Variants in STAG1 observed in about 807,000 individuals in gnomAD.
STAG1 encodes the protein STAG1 cohesin complex component.
Under a neutral mutation model 170.9 loss-of-function variants are expected in STAG1, and 26 were observed. That is an observed-to-expected ratio of 0.15 (90% CI 0.11 to 0.21). STAG1 has a LOEUF of 0.21. Ranked by LOEUF, STAG1 falls within the 10% of genes least tolerant of loss-of-function variation. The probability of loss-of-function intolerance (pLI) is 1.00; values close to 1 mark genes in which losing one functional copy is unlikely to be tolerated. For missense variants in STAG1, 964 were observed against 1,509.5 expected (o/e 0.64, Z 5.99); for synonymous variants, 514 against 497.7 (o/e 1.03, Z -0.44).
At chr3:136,493,773 A>C (rs1000361556) in intron 9 of STAG1, among the ~76,000 whole-genome samples, 1 of 152,130 alleles carries the variant, frequency 6.6e-6, no homozygotes, top group Non-Finnish European at 1.5e-5. Flanking sequence ...AGATCAACAA[A>C]ACAAACTTAC....
At chr3:136,691,289 G>A (rs1942713742) in intron 1 of STAG1, among the ~76,000 whole-genome samples, 1 of 152,048 alleles carries the variant, frequency 6.6e-6, no homozygotes, top group Admixed American at 6.6e-5. Flanking sequence ...CAAAAAATTA[G>A]CTGGGCTTGG....
chr3:136,640,083 T>C (rs1940733482), intron 1 of STAG1, among the ~76,000 whole-genome samples: 2 of 152,324 alleles, frequency 1.3e-5, no homozygotes, highest in South Asian at 2.1e-4. Flanking sequence ...AGTTTGATGA[T>C]GCAGTGAAAA....
At chr3:136,448,892 T>A (rs912298771) in intron 14 of STAG1, among the ~76,000 whole-genome samples, 1 of 151,930 alleles carries the variant, frequency 6.6e-6, no homozygotes, top group African/African-American at 2.4e-5. Flanking sequence ...TGAGTGGAGA[T>A]TGCACCACTG....
intron 1 of STAG1, among the ~76,000 whole-genome samples, chr3:136,664,775 A>G (rs925937815): frequency 1.6e-4 from 25 of 152,236 alleles, no homozygotes; most frequent in African/African-American, 6.0e-4. Flanking sequence ...AGACCTGTGG[A>G]TGAAATAAAC....
At chr3:136,471,168 A>T (rs1217322893) in intron 12 of STAG1, among the ~76,000 whole-genome samples, 5 of 151,524 alleles carry the variant, frequency 3.3e-5, no homozygotes, top group Non-Finnish European at 7.4e-5. Context: ...AGCAGTTTTA[A>T]TGTGCTATGA....
chr3:136,530,358 A>C (rs1426987239), intron 6 of STAG1, among the ~76,000 whole-genome samples: 1 of 152,130 alleles, frequency 6.6e-6, no homozygotes, highest in Non-Finnish European at 1.5e-5. Context: ...CTAGATCTTA[A>C]ACCAAATAGA....
intron 15 of STAG1, among the ~76,000 whole-genome samples, chr3:136,440,579 T>C (rs2088599866): frequency 1.3e-5 from 2 of 151,996 alleles, no homozygotes; most frequent in South Asian, 2.1e-4. Flanking sequence ...GTAAGGAAAA[T>C]GAATGGAACC....
intron 1 of STAG1, among the ~76,000 whole-genome samples, chr3:136,707,047 T>G (rs1943247211): frequency 6.6e-6 from 1 of 152,166 alleles, no homozygotes; most frequent in Admixed American, 6.5e-5. Context: ...TACTAAAAAT[T>G]AAATCAAAAT....
chr3:136,526,430 T>C (rs1049805931), intron 6 of STAG1, among the ~76,000 whole-genome samples: 2 of 152,200 alleles, frequency 1.3e-5, no homozygotes, highest in African/African-American at 2.4e-5. Flanking sequence ...CTGCCTTTTT[T>C]TGTTTTCCAT....
chr3:136,451,405 A>G (rs906838221), intron 14 of STAG1, among the ~76,000 whole-genome samples: 5 of 152,154 alleles, frequency 3.3e-5, no homozygotes, highest in Admixed American at 2.0e-4. Flanking sequence ...CAGTCTGACA[A>G]TTTTCAAAAA....
intron 2 of STAG1, among the ~76,000 whole-genome samples, chr3:136,626,944 G>C (rs1326321467): frequency 6.6e-6 from 1 of 152,164 alleles, no homozygotes; most frequent in Non-Finnish European, 1.5e-5. Context: ...CAAATACTAT[G>C]TTTCGTATTT....
chr3:136,508,887 C>CAA (rs1933907591), intron 7 of STAG1, among the ~76,000 whole-genome samples: 5 of 149,376 alleles, frequency 3.3e-5, no homozygotes. Context: ...CGCGCGTGCG[C>CAA]GAGAGAGAGA....
intron 1 of STAG1, among the ~76,000 whole-genome samples, chr3:136,692,480 C>T (rs1942760014): frequency 6.6e-6 from 1 of 151,820 alleles, no homozygotes; most frequent in African/African-American, 2.4e-5. Flanking sequence ...ACTAAAAGTA[C>T]AAAAATTAGC....
chr3:136,381,439 T>C (rs192688534), intron 22 of STAG1, among the ~76,000 whole-genome samples: 75 of 152,084 alleles, frequency 4.9e-4, no homozygotes, highest in Non-Finnish European at 3.2e-4. Flanking sequence ...CAATGACAAA[T>C]GCCACAGAGA....
chr3:136,521,714 A>C (rs1934685586), intron 6 of STAG1, among the ~76,000 whole-genome samples: 1 of 152,156 alleles, frequency 6.6e-6, no homozygotes, highest in Non-Finnish European at 1.5e-5. Flanking sequence ...AGTTGAGGTA[A>C]TCTGAAACAG....
intron 12 of STAG1, among the ~76,000 whole-genome samples, chr3:136,466,714 A>C (rs1282077696): frequency 1.3e-5 from 2 of 152,154 alleles, no homozygotes; most frequent in African/African-American, 4.8e-5. Flanking sequence ...GATTCACCAA[A>C]GTTGAAATGA....
In STAG1 at chr3:136,337,999, CTGTAT is replaced by C. The variant is rs763609951; in HGVS notation, c.*250_*254del. The C allele has an allele frequency of 1.0e-3, 422 of 404,106 alleles. No individual in the cohort carries two copies. Among genetic ancestry groups the C allele is most frequent in the Middle Eastern group, 1.9e-3 (3 of 1,548 alleles). 25.0% of individuals were successfully genotyped at this position (404,106 alleles called of 1,614,324 possible). On this transcript the variant is annotated 3_prime_UTR_variant, in exon 34 of 34. Coordinates refer to ENST00000383202, the MANE Select transcript of STAG1 (RefSeq NM_005862.3). ...CCTCCCTCCAGAAAAACACACACATCTGTATTGGGATAAGTCCAATAGTAGGACAC... is the reference window on the plus strand; with the variant it reads ...CCTCCCTCCAGAAAAACACACACATCTGGGATAAGTCCAATAGTAGGACAC...
At position 136,604,478 on chromosome 3, in the gene STAG1, A is replaced by C; in HGVS notation, c.133-5T>G. On this transcript the variant is annotated splice_region_variant and splice_polypyrimidine_tract_variant and intron_variant, in intron 3 of 33. Transcript: ENST00000383202. ...TCGAGGTTTCTTATTTGTAGACTGA[A>C]AAAAAGATAAAAAAAGATTCCATTC... 2 of 1,584,988 alleles carry C rather than the reference A, an allele frequency of 1.3e-6. No homozygotes were observed. Among genetic ancestry groups the C allele is most frequent in the Non-Finnish European group, 1.7e-6 (2 of 1,170,888 alleles).
intron 3 of STAG1, among the ~76,000 whole-genome samples, chr3:136,615,329 G>A (rs1282721529): frequency 6.9e-6 from 1 of 143,984 alleles, no homozygotes; most frequent in Non-Finnish European, 1.5e-5. Context: ...TATTAGGTTA[G>A]TTGAAGATAC....
Sources: allele counts gnomAD v4.1 joint callset (sites outside exome capture counted in the v4.1 genomes callset), GRCh38; gene constraint gnomAD v4.1.1; transcripts MANE v1.5; gene names NCBI Gene and HGNC (gene_info 2026-07-23, HGNC 2026-07-21).